PXDNL: variants seen among roughly 807,000 people sequenced by gnomAD.
The protein encoded by PXDNL is probable oxidoreductase PXDNL.
In PXDNL, 145 loss-of-function variants were observed where a neutral mutation model predicts 150.8. The observed-to-expected ratio is 0.96, with a 90% CI of 0.84 to 1.10. The LOEUF is 1.10. Ranked by LOEUF, PXDNL falls within the 50% of genes least tolerant of loss-of-function variation. The probability of loss-of-function intolerance (pLI) is 0.00; values close to 1 mark genes in which losing one functional copy is unlikely to be tolerated. For synonymous variants in PXDNL, 757 were observed against 725.7 expected (o/e 1.04, Z -0.69); for missense variants, 2,087 against 1,873.9 (o/e 1.11, Z -2.10).
Position 51,331,801 on chromosome 8 carries a change from A to T in PXDNL, c.4146+7823T>A, listed in dbSNP as rs1434686394. 3.3e-5 allele frequency among the ~76,000 whole-genome samples: 5 copies of T among 152,006 alleles called. No homozygotes were observed. The East Asian group carries it at 9.7e-4, about 29-fold the overall frequency. Reference sequence around the variant, plus strand: ...GGTACACAACTCCAGTGACCTGGGAATCTCATCCCCATCCCCCACAGCAGC... The same window carrying T: ...GGTACACAACTCCAGTGACCTGGGATTCTCATCCCCATCCCCCACAGCAGC... On this transcript the variant is annotated intron_variant, in intron 21 of 22. Coordinates refer to ENST00000356297, the MANE Select transcript of PXDNL (RefSeq NM_144651.5).
chr8:51,562,059 T>A (rs886915628), intron 3 of PXDNL, among the ~76,000 whole-genome samples: 1 of 151,762 alleles, frequency 6.6e-6, no homozygotes, highest in Non-Finnish European at 1.5e-5. Flanking sequence ...TTTTCTAAGA[T>A]GATTATATAT....
Position 51,340,995 on chromosome 8 carries a change from G to A in PXDNL, c.4017-1242C>T, listed in dbSNP as rs539706029. Among the ~76,000 whole-genome samples the A allele has an allele frequency of 5.3e-5, 8 of 152,378 alleles. No homozygotes were observed. In the East Asian group the frequency reaches 7.7e-4, roughly 15 times the overall value. The stretch of plus-strand genomic sequence containing the variant: ...ATAACCAACAGTCAAAAGACCACAC[G>A]TGGGAACACGGGGAAGTGGCTGATG... On this transcript the variant is annotated intron_variant, in intron 20 of 22. Transcript: ENST00000356297.
intron 12 of PXDNL, among the ~76,000 whole-genome samples, chr8:51,429,219 T>C (rs1809189559): frequency 6.6e-6 from 1 of 152,182 alleles, no homozygotes; most frequent in Non-Finnish European, 1.5e-5. Flanking sequence ...GAATTACTCA[T>C]ACATTGTTGG....
chr8:51,575,394 A>G (rs1813030472), intron 3 of PXDNL, among the ~76,000 whole-genome samples: 1 of 152,066 alleles, frequency 6.6e-6, no homozygotes, highest in African/African-American at 2.4e-5. Context: ...TAAACCCAAT[A>G]TATCAATAAT....
intron 1 of PXDNL, among the ~76,000 whole-genome samples, chr8:51,806,311 C>T (rs35254751): frequency 0.062 from 9,402 of 152,260 alleles, 382 homozygotes; most frequent in Non-Finnish European, 0.088. Context: ...TGGCCATTTG[C>T]AGAGCTAAAT....
chr8:51,372,670 C>T (rs1162899360), intron 18 of PXDNL, among the ~76,000 whole-genome samples: 2 of 152,240 alleles, frequency 1.3e-5, no homozygotes, highest in Non-Finnish European at 2.9e-5. Flanking sequence ...CAGGCGTGAG[C>T]CACCGCACCT....
chr8:51,386,956 ATT>A (rs879726638), intron 17 of PXDNL, among the ~76,000 whole-genome samples: 18 of 152,160 alleles, frequency 1.2e-4, no homozygotes, highest in Non-Finnish European at 2.1e-4. Flanking sequence ...CTGCAAAACT[ATT>A]TTGGCTTGAT....
chr8:51,566,799 A>G (rs1189479907), intron 3 of PXDNL, among the ~76,000 whole-genome samples: 1 of 149,136 alleles, frequency 6.7e-6, no homozygotes, highest in Non-Finnish European at 1.5e-5. Context: ...TTTCTGCTCT[A>G]TTTTGTAATT....
intron 4 of PXDNL, among the ~76,000 whole-genome samples, chr8:51,507,654 G>C (rs1204032739): frequency 1.3e-5 from 2 of 152,218 alleles, no homozygotes; most frequent in Non-Finnish European, 1.5e-5. Context: ...ACTCCAGCTA[G>C]AGCAATGGTT....
intron 4 of PXDNL, among the ~76,000 whole-genome samples, chr8:51,536,942 C>T (rs572688634): frequency 6.6e-6 from 1 of 152,258 alleles, no homozygotes; most frequent in South Asian, 2.1e-4. Flanking sequence ...ATTTAAAGCC[C>T]AAACCTAACG....
intron 1 of PXDNL, among the ~76,000 whole-genome samples, chr8:51,771,056 C>T (rs1183697975): frequency 6.6e-6 from 1 of 152,214 alleles, no homozygotes; most frequent in Non-Finnish European, 1.5e-5. Flanking sequence ...TGCTATCAGT[C>T]TTGTCTCTGG....
intron 1 of PXDNL, among the ~76,000 whole-genome samples, chr8:51,709,437 G>A (rs1014394339): frequency 1.1e-4 from 17 of 151,938 alleles, no homozygotes; most frequent in African/African-American, 4.1e-4. Context: ...TTTATTTTTA[G>A]TAGAGACAGG....
At chr8:51,703,511 AC>A (rs200730946) in intron 1 of PXDNL, among the ~76,000 whole-genome samples, 1,597 of 152,160 alleles carry the variant, frequency 0.01, 24 homozygotes, top group African/African-American at 0.032. Flanking sequence ...TTGTTTCTCT[AC>A]CTTTTATTTG....
chr8:51,565,282 CTAAA>C lies in PXDNL; in HGVS notation c.309-8375_309-8372del, dbSNP rs60659791. On this transcript the variant is annotated intron_variant, in intron 3 of 22. Coordinates refer to ENST00000356297, the MANE Select transcript of PXDNL (RefSeq NM_144651.5). ...CCCTTCAGCTGCAATATATCTTTTC[CTAAA>C]TAAATAAATAAATAAATAAATAAAT... is the stretch of plus-strand genomic sequence containing the variant. 7.0e-3 allele frequency among the ~76,000 whole-genome samples: 926 copies of C among 132,548 alleles called. 9 individuals carry two copies. Among genetic ancestry groups the C allele is most frequent in the East Asian group, 0.02 (90 of 4,530 alleles). The allele number at this position is 132,548 out of a possible 152,430, so 87.0% of individuals were successfully genotyped here.
chr8:51,453,877 T>A (rs1291349187), intron 9 of PXDNL, 92 bp from the exon 10 acceptor site: 4 of 1,392,126 alleles, frequency 2.9e-6, no homozygotes, highest in Non-Finnish European at 3.9e-6. Flanking sequence ...TTATTGTCAT[T>A]TTCAAAATTC....
chr8:51,506,540 C>CAAAAAA (rs11312240), intron 4 of PXDNL, among the ~76,000 whole-genome samples: 4 of 67,502 alleles, frequency 5.9e-5, no homozygotes, highest in African/African-American at 2.9e-4. Flanking sequence ...GACTCTGTCT[C>CAAAAAA]AAAAAAAAAA....
intron 19 of PXDNL, among the ~76,000 whole-genome samples, chr8:51,361,036 C>A (rs1055642030): frequency 6.6e-6 from 1 of 152,194 alleles, no homozygotes; most frequent in Non-Finnish European, 1.5e-5. Context: ...TGCCCAGAAG[C>A]AACATGTGAC....
chr8:51,647,185 T>A (rs918070615), intron 2 of PXDNL, among the ~76,000 whole-genome samples: 1 of 151,940 alleles, frequency 6.6e-6, no homozygotes, highest in Non-Finnish European at 1.5e-5. Context: ...CATGACCCAA[T>A]TAGTAAAGCC....
intron 1 of PXDNL, among the ~76,000 whole-genome samples, chr8:51,744,730 AAG>A (rs2036957354): frequency 6.2e-4 from 1 of 1,604 alleles, no homozygotes; most frequent in African/African-American, 9.8e-4. Flanking sequence ...AGAAAAAGAA[AAG>A]AAAGAAAGAG....
Sources: gnomAD v4.1 joint callset for allele counts (sites outside exome capture counted in the v4.1 genomes callset) on GRCh38, gnomAD v4.1.1 for gene constraint, MANE v1.5 for transcripts, NCBI Gene and HGNC (gene_info 2026-07-23, HGNC 2026-07-21) for gene names.